Variants in TMEM131 observed in about 807,000 individuals in gnomAD.
TMEM131 encodes the protein 2610524E03Rik.
A neutral mutation model predicts 211.6 loss-of-function variants in TMEM131; 66 were observed. The ratio of observed to expected loss-of-function variants is 0.31; its 90% CI spans 0.26 to 0.38. The LOEUF (loss-of-function observed/expected upper bound fraction) is 0.38. TMEM131 is among the 10% of genes least tolerant of loss of function. TMEM131 has a pLI of 1.00. For missense variants in TMEM131, 2,036 were observed against 2,299.3 expected (o/e 0.89, Z 2.34); for synonymous variants, 844 against 841.3 (o/e 1.00, Z -0.06).
At chr2:97,861,941 C>T (rs1251888917) in intron 4 of TMEM131, among the ~76,000 whole-genome samples, 1 of 152,138 alleles carries the variant, frequency 6.6e-6, no homozygotes, top group Non-Finnish European at 1.5e-5. Flanking sequence ...GCTGTGTTGG[C>T]TTCAGGTCTG....
At position 97,792,495 on chromosome 2, in the gene TMEM131, C is replaced by T. The variant is rs778363986; in HGVS notation, c.4035G>A (p.Ser1345=). 8.1e-6 allele frequency: 13 copies of T among 1,613,418 alleles called. No homozygotes were observed. The highest frequency in any genetic ancestry group is 6.7e-5 in the Admixed American group (4 of 59,944). The change falls in exon 31 of 41, where the codon TCG becomes TCA. Residue 1345 remains serine, a synonymous_variant. Coordinates refer to ENST00000186436, the MANE Select transcript of TMEM131 (RefSeq NM_015348.2). ...ASSARHSSED[S]DITSLIEAMD... ...TGGCTTCTATGAGACTGGTGATGTCCGAGTCCTCGGAACTGTGCCTCGCGC... is the reference window on the plus strand; with the variant it reads ...TGGCTTCTATGAGACTGGTGATGTCTGAGTCCTCGGAACTGTGCCTCGCGC...
chr2:97,756,854 T>TTAA lies in TMEM131; in HGVS notation c.*244_*245insTTA. The stretch of plus-strand genomic sequence containing the variant: ...GAAAGGTTCTCAGATGTACAGGTCT[T>TTAA]ATTAGAGTTTGTGGCTGAGTCCAGA... On this transcript the variant is annotated 3_prime_UTR_variant, in exon 41 of 41. Coordinates refer to ENST00000186436, the MANE Select transcript of TMEM131 (RefSeq NM_015348.2). 1 of 400,472 alleles carries TTAA rather than the reference T, an allele frequency of 2.5e-6. No individual in the cohort carries two copies. Among genetic ancestry groups the TTAA allele is most frequent in the Non-Finnish European group, 4.4e-6 (1 of 226,020 alleles). 24.8% of individuals were successfully genotyped at this position (400,472 alleles called of 1,614,324 possible). A position where few individuals can be genotyped will look rare whatever the true frequency, so the allele number is the denominator to read the frequency against.
intron 2 of TMEM131, among the ~76,000 whole-genome samples, chr2:97,916,542 A>G (rs1194026249): frequency 6.6e-6 from 1 of 152,216 alleles, no homozygotes; most frequent in Admixed American, 6.5e-5. Context: ...TCAACTTGAC[A>G]TGACATGAAG....
intron 31 of TMEM131, among the ~76,000 whole-genome samples, chr2:97,781,163 G>A (rs535416524): frequency 1.9e-4 from 29 of 152,236 alleles, no homozygotes; most frequent in African/African-American, 6.0e-4. Context: ...GGCTCTATTC[G>A]TCATACAGCC....
chr2:97,816,989 G>C (rs1042379071), intron 12 of TMEM131, among the ~76,000 whole-genome samples: 2 of 152,094 alleles, frequency 1.3e-5, no homozygotes, highest in Admixed American at 1.3e-4. Context: ...TGAATGGTGG[G>C]GGGATTTTCA....
chr2:97,820,781 G>A (rs1208994894), intron 11 of TMEM131, among the ~76,000 whole-genome samples: 4 of 151,900 alleles, frequency 2.6e-5, no homozygotes, highest in African/African-American at 4.8e-5. Context: ...ACTTGAATCC[G>A]GGAGGCGGAG....
intron 4 of TMEM131, chr2:97,887,816 C>A: frequency 2.5e-6 from 1 of 398,726 alleles, no homozygotes; most frequent in Admixed American, 4.0e-5. Context: ...GTCTCTGAAC[C>A]AGAGACTACA....
chr2:97,877,436 C>G (rs189236243), intron 4 of TMEM131, among the ~76,000 whole-genome samples: 40 of 152,258 alleles, frequency 2.6e-4, no homozygotes, highest in Admixed American at 2.3e-3. Context: ...AAAGGCATCA[C>G]ACTATGTGAC....
intron 4 of TMEM131, among the ~76,000 whole-genome samples, chr2:97,879,761 G>A (rs1377867634): frequency 2.6e-5 from 4 of 151,856 alleles, no homozygotes; most frequent in Admixed American, 6.6e-5. Flanking sequence ...CTTCCTTTAT[G>A]GTAAAAATAC....
At chr2:97,939,474 G>A (rs1677614979) in intron 1 of TMEM131, among the ~76,000 whole-genome samples, 1 of 152,138 alleles carries the variant, frequency 6.6e-6, no homozygotes. Context: ...GACTAAACCA[G>A]AAAGAAGTTG....
Position 97,775,889 on chromosome 2 carries a change from G to T in TMEM131, c.4274C>A (p.Thr1425Asn). Residue 1425 changes from threonine to asparagine, a missense_variant, in exon 32 of 41, where the codon ACC becomes AAC. Transcript: ENST00000186436. ...DSLADDDSSS[T>N]TTETSNPDTE... ...GTCAGGGTTGGAGGTCTCTGTGGTG[G>T]TGGAGGAGCTATCATCATCAGCCAA... The T allele has an allele frequency of 6.2e-7, 1 of 1,613,992 alleles. No homozygotes were observed. Among genetic ancestry groups the T allele is most frequent in the Non-Finnish European group, 8.5e-7 (1 of 1,179,888 alleles).
At chr2:97,993,628 A>G (rs1680355475) in intron 1 of TMEM131, among the ~76,000 whole-genome samples, 1 of 152,346 alleles carries the variant, frequency 6.6e-6, no homozygotes, top group South Asian at 2.1e-4. Context: ...AGCATGGGCC[A>G]CAAAGGATAT....
rs891505820 is a variant in TMEM131 at position 97,925,881 on chromosome 2, C to T, written c.249+1545G>A. 1.1e-4 allele frequency among the ~76,000 whole-genome samples: 17 copies of T among 152,002 alleles called. No homozygotes were observed. In the East Asian group the frequency reaches 1.4e-3, roughly 12 times the overall value. ...ATCCTAGCACTTTGGGAGGCCGAGG[C>T]GGGCGGATCATGAGGTCAGGAGATT... On this transcript the variant is annotated intron_variant, in intron 2 of 40. Transcript: ENST00000186436.
At chr2:97,942,343 G>C (rs1677773195) in intron 1 of TMEM131, among the ~76,000 whole-genome samples, 2 of 108,176 alleles carry the variant, frequency 1.8e-5, no homozygotes, top group Admixed American at 2.2e-4. Context: ...GGGGGAGGGG[G>C]GAGGGATAGC....
chr2:97,777,542 C>T (rs1679796935), intron 31 of TMEM131, among the ~76,000 whole-genome samples: 1 of 152,216 alleles, frequency 6.6e-6, no homozygotes, highest in Admixed American at 6.5e-5. Flanking sequence ...GCCCATAAAG[C>T]CTCAAACATT....
chr2:97,949,032 C>T (rs955339618), intron 1 of TMEM131, among the ~76,000 whole-genome samples: 8 of 152,056 alleles, frequency 5.3e-5, no homozygotes, highest in African/African-American at 9.7e-5. Flanking sequence ...TGAAATGAAA[C>T]GTATGTGTGA....
At chr2:97,949,681 G>A (rs142632055) in intron 1 of TMEM131, among the ~76,000 whole-genome samples, 1,887 of 151,682 alleles carry the variant, frequency 0.012, 36 homozygotes, top group African/African-American at 0.038. Context: ...TTAGCTGGGC[G>A]TGGTGGCGGG....
chr2:97,873,702 A>G (rs1399982792), intron 4 of TMEM131, among the ~76,000 whole-genome samples: 2 of 152,214 alleles, frequency 1.3e-5, no homozygotes, highest in Non-Finnish European at 2.9e-5. Context: ...ACGTCCACTC[A>G]AAGATGCCAT....
intron 2 of TMEM131, among the ~76,000 whole-genome samples, chr2:97,914,509 C>T (rs1488115072): frequency 6.6e-6 from 1 of 152,184 alleles, no homozygotes; most frequent in Non-Finnish European, 1.5e-5. Context: ...TCCAGTGTGT[C>T]GCTTTTATAA....
Sources: gnomAD v4.1 joint callset for allele counts (sites outside exome capture counted in the v4.1 genomes callset) on GRCh38, gnomAD v4.1.1 for gene constraint, MANE v1.5 for transcripts, NCBI Gene and HGNC (gene_info 2026-07-23, HGNC 2026-07-21) for gene names.